The following EVL variants were observed in gnomAD, a reference collection of about 807,000 sequenced individuals.
The protein encoded by EVL is ena/VASP-like protein.
Under a neutral mutation model 59.6 loss-of-function variants are expected in EVL, and 21 were observed. That is an observed-to-expected ratio of 0.35 (90% CI 0.25 to 0.51). EVL has a LOEUF of 0.51. Among genes scored for constraint, EVL ranks in the 20% least tolerant of loss-of-function variants. The probability of loss-of-function intolerance (pLI) is 0.97; values close to 1 mark genes in which losing one functional copy is unlikely to be tolerated. For synonymous variants in EVL, 198 were observed against 203.5 expected (o/e 0.97, Z 0.23); for missense variants, 462 against 546.6 (o/e 0.85, Z 1.54).
chr14:99,978,109 A>AGGCATGGATGTAG (rs2060782354), intron 1 of EVL: 4 of 150,788 alleles, frequency 2.7e-5, no homozygotes, highest in South Asian at 2.1e-4. Flanking sequence ...AAAAAAAAAA[A>AGGCATGGATGTAG]AAAAGTCAGC....
At chr14:99,990,251 C>T (rs2060866652) in intron 1 of EVL, among the ~76,000 whole-genome samples, 1 of 152,198 alleles carries the variant, frequency 6.6e-6, no homozygotes, top group Non-Finnish European at 1.5e-5. Flanking sequence ...TCAGATTCAT[C>T]TTCTGGCATA....
rs546975452 is a variant in EVL at position 100,109,147 on chromosome 14, C to T, written c.358+11489C>T. On this transcript the variant is annotated intron_variant, in intron 3 of 13. Transcript: ENST00000392920. This position sits in a 1 kb window ranked among gnomAD's most constrained non-coding sequence, Gnocchi z 4.3. ...GCTCCCATTTTCACCACCTGCACTGCATATTCTCACCGTCTCTCCCCTGAC... is the reference window on the plus strand; with the variant it reads ...GCTCCCATTTTCACCACCTGCACTGTATATTCTCACCGTCTCTCCCCTGAC... Among the ~76,000 whole-genome samples the T allele has an allele frequency of 1.3e-5, 2 of 152,360 alleles. No individual in the cohort carries two copies. The highest frequency in any genetic ancestry group is 2.9e-5 in the Non-Finnish European group (2 of 68,044).
intron 1 of EVL, among the ~76,000 whole-genome samples, chr14:100,071,948 G>GA (rs1230354376): frequency 1.7e-4 from 25 of 150,382 alleles, no homozygotes; most frequent in Non-Finnish European, 2.4e-4. Flanking sequence ...TGCCCATTAA[G>GA]AAAAAAAAAT....
chr14:100,044,545 A>AT (rs2061519111), intron 1 of EVL, among the ~76,000 whole-genome samples: 1 of 152,222 alleles, frequency 6.6e-6, no homozygotes, highest in South Asian at 2.1e-4. Context: ...GTAAGGACTG[A>AT]TACTTGTCCT....
rs2060973733 is a variant in EVL, at chr14:100,005,652, CA to C, written c.5+33596del. ...AAATACACACACACACACACACACA[CA>C]CACACACACACACACACCCCTTGGA... On this transcript the variant is annotated intron_variant, in intron 1 of 13. Transcript: ENST00000402714. 3.9e-5 allele frequency among the ~76,000 whole-genome samples: 6 copies of C among 152,060 alleles called. No homozygotes were observed. The East Asian group carries it at 1.2e-3, about 29-fold the overall frequency.
At chr14:100,008,768 AT>A (rs1397972584) in intron 1 of EVL, among the ~76,000 whole-genome samples, 1 of 151,788 alleles carries the variant, frequency 6.6e-6, no homozygotes, top group Non-Finnish European at 1.5e-5. Context: ...GTCTTAATCA[AT>A]TTGTCCTTGT....
At chr14:100,105,918 T>C (rs571868829) in intron 3 of EVL, 1 of 152,316 alleles carries the variant, frequency 6.6e-6, no homozygotes, top group African/African-American at 2.4e-5. Context: ...TCCATGAGCT[T>C]CCTTGAGTCG....
chr14:100,124,740 T>G (rs1887920087), intron 4 of EVL, among the ~76,000 whole-genome samples: 2 of 152,164 alleles, frequency 1.3e-5, no homozygotes, highest in Admixed American at 1.3e-4. Flanking sequence ...CGTGGATGGC[T>G]AAATGGGTAC....
In EVL at chr14:100,109,907, T is replaced by C. The variant is rs1308179540; in HGVS notation, c.358+12249T>C. 1.3e-5 allele frequency among the ~76,000 whole-genome samples: 2 copies of C among 152,210 alleles called. No individual in the cohort carries two copies. The highest frequency in any genetic ancestry group is 2.9e-5 in the Non-Finnish European group (2 of 68,038). ...ACCAGCTGTGCCAGGAGTGTGCCCT[T>C]GGGCATGTCACTGACCTAAGACTCA... On this transcript the variant is annotated intron_variant, in intron 3 of 13. Transcript: ENST00000392920. This position sits in a 1 kb window ranked among gnomAD's most constrained non-coding sequence, Gnocchi z 4.3.
intron 2 of EVL, among the ~76,000 whole-genome samples, chr14:100,094,228 A>G (rs944483338): frequency 2.0e-5 from 3 of 152,142 alleles, no homozygotes; most frequent in African/African-American, 4.8e-5. Context: ...TCATTTCCTG[A>G]CTGTAAAAAG....
intron 1 of EVL, among the ~76,000 whole-genome samples, chr14:100,076,736 G>C (rs1045661813): frequency 6.6e-6 from 1 of 152,184 alleles, no homozygotes; most frequent in African/African-American, 2.4e-5. Flanking sequence ...CACAGAGTGC[G>C]GGGGGTGGAG....
At chr14:100,069,123 A>G (rs2061996857) in intron 1 of EVL, among the ~76,000 whole-genome samples, 1 of 152,208 alleles carries the variant, frequency 6.6e-6, no homozygotes, top group African/African-American at 2.4e-5. Context: ...CCCAGTGCCT[A>G]AAACATTGCC....
chr14:100,012,730 CCTGGTGGTGGTT>C (rs2061024680), intron 1 of EVL, among the ~76,000 whole-genome samples: 1 of 152,090 alleles, frequency 6.6e-6, no homozygotes, highest in Non-Finnish European at 1.5e-5. Context: ...GGCTTATGGT[CCTGGTGGTGGTT>C]TTACTTTTTC....
intron 1 of EVL, among the ~76,000 whole-genome samples, chr14:100,076,514 G>A (rs1213761235): frequency 6.6e-6 from 1 of 152,230 alleles, no homozygotes; most frequent in Non-Finnish European, 1.5e-5. Context: ...GTGCTGTGAT[G>A]GTAGGCACAG....
chr14:100,049,349 G>C (rs2061608923), intron 1 of EVL, among the ~76,000 whole-genome samples: 1 of 152,212 alleles, frequency 6.6e-6, no homozygotes, highest in Non-Finnish European at 1.5e-5. Context: ...TCAAGGAATT[G>C]CCTGGAAGCC....
At chr14:100,007,683 C>A (rs1021775852) in intron 1 of EVL, among the ~76,000 whole-genome samples, 2 of 152,190 alleles carry the variant, frequency 1.3e-5, no homozygotes, top group African/African-American at 4.8e-5. Context: ...CTATTGGAGG[C>A]ACTCCAGCGG....
intron 3 of EVL, among the ~76,000 whole-genome samples, chr14:100,112,088 A>G (rs1460803234): frequency 6.6e-6 from 1 of 152,224 alleles, no homozygotes; most frequent in East Asian, 1.9e-4. Flanking sequence ...CGTAGCGTGT[A>G]TCATTTCTTT....
At chr14:100,069,764 G>A (rs1190967) in intron 1 of EVL, among the ~76,000 whole-genome samples, 94,425 of 152,058 alleles carry the variant, frequency 0.62, 32,102 homozygotes, top group Non-Finnish European at 0.75. Flanking sequence ...GAGAACTAGT[G>A]TAGTCCAATG....
At chr14:99,971,781 G>A (rs1248919640) in exon 1 of EVL, 1 of 125,878 alleles carries the variant, frequency 7.9e-6, no homozygotes, top group East Asian at 2.5e-4. Context: ...GCACGCGCCC[G>A]CGCACACGCC....
Sources: allele counts gnomAD v4.1 joint callset (sites outside exome capture counted in the v4.1 genomes callset), GRCh38; gene constraint gnomAD v4.1.1; non-coding constraint Gnocchi (gnomAD v3.1); transcripts MANE v1.5; gene names NCBI Gene and HGNC (gene_info 2026-07-23, HGNC 2026-07-21).